Variants in ADAMTS7 observed in about 807,000 individuals in gnomAD.
ADAMTS7 encodes the protein ADAM metallopeptidase with thrombospondin type 1 motif 7, also known as A disintegrin and metalloproteinase with thrombospondin motifs 7.
A neutral mutation model predicts 172.6 loss-of-function variants in ADAMTS7; 89 were observed. The observed-to-expected ratio is 0.52, with a 90% CI of 0.43 to 0.61. ADAMTS7 has a LOEUF of 0.61. ADAMTS7 is among the 20% of genes least tolerant of loss of function. The pLI, the probability that ADAMTS7 is intolerant of heterozygous loss-of-function variation, is 0.00. For synonymous variants in ADAMTS7, 885 were observed against 978.4 expected, an observed-to-expected ratio of 0.90 and a Z score of 1.78; for missense variants, 1,973 against 2,355.6, an observed-to-expected ratio of 0.84 and a Z score of 3.36.
intron 1 of ADAMTS7, among the ~76,000 whole-genome samples, chr15:78,806,828 A>G (rs1488752041): frequency 1.3e-5 from 2 of 152,116 alleles, no homozygotes; most frequent in Non-Finnish European, 2.9e-5. Context: ...GTACAATTGC[A>G]TGATCTTGGC....
intron 1 of ADAMTS7, among the ~76,000 whole-genome samples, chr15:78,802,174 A>G (rs1250623138): frequency 6.6e-6 from 1 of 152,118 alleles, no homozygotes; most frequent in Non-Finnish European, 1.5e-5. Context: ...TGTTAGAGGA[A>G]GTGTCCAGAA....
At chr15:78,774,016 G>C (rs1319387839) in intron 13 of ADAMTS7, 151 bp downstream of exon 13, 15 of 1,245,784 alleles carry the variant, frequency 1.2e-5, no homozygotes, top group African/African-American at 1.5e-5. Context: ...TGGGGAGGGT[G>C]GCCCGAGGAG....
At chr15:78,784,063 G>A (rs1343555892) in intron 8 of ADAMTS7, among the ~76,000 whole-genome samples, 1 of 151,976 alleles carries the variant, frequency 6.6e-6, no homozygotes, top group African/African-American at 2.4e-5. Context: ...TAAATCAGAT[G>A]CCCCCTAGAA....
chr15:78,773,847 A>G (rs181072044), intron 13 of ADAMTS7, among the ~76,000 whole-genome samples: 5,506 of 152,292 alleles, frequency 0.036, 114 homozygotes, highest in Non-Finnish European at 0.043. Flanking sequence ...CCACTGCCTG[A>G]GCTCCGGTTT....
At chr15:78,798,581 C>A (rs2055677142) in intron 2 of ADAMTS7, among the ~76,000 whole-genome samples, 1 of 152,168 alleles carries the variant, frequency 6.6e-6, no homozygotes, top group African/African-American at 2.4e-5. Flanking sequence ...CTCCCTAAGG[C>A]AATGAATCAC....
chr15:78,763,011 G>A (rs560585369), intron 22 of ADAMTS7, among the ~76,000 whole-genome samples: 1 of 152,324 alleles, frequency 6.6e-6, no homozygotes, highest in Non-Finnish European at 1.5e-5. Context: ...GGCCCAGCCC[G>A]CCAGGCTTCG....
At chr15:78,760,005 G>A (rs191940676) in intron 23 of ADAMTS7, among the ~76,000 whole-genome samples, 15 of 151,948 alleles carry the variant, frequency 9.9e-5, no homozygotes, top group African/African-American at 3.4e-4. Context: ...TCCCGCCACC[G>A]CCCCCTGCCC....
At chr15:78,764,153 T>C in intron 20 of ADAMTS7, 54 bp from the exon 21 acceptor site, 1 of 1,458,858 alleles carries the variant, frequency 6.9e-7, no homozygotes, top group Non-Finnish European at 9.1e-7. Context: ...CCCACAGGCG[T>C]GACCCCGTGA....
At chr15:78,775,718 A>G (rs2055332866) in intron 11 of ADAMTS7, among the ~76,000 whole-genome samples, 1 of 152,188 alleles carries the variant, frequency 6.6e-6, no homozygotes, top group South Asian at 2.1e-4. Flanking sequence ...TGCCCACTAC[A>G]GATGAGCTGC....
chr15:78,794,776 G>A (rs1351349418), intron 4 of ADAMTS7, among the ~76,000 whole-genome samples: 2 of 152,156 alleles, frequency 1.3e-5, no homozygotes, highest in South Asian at 2.1e-4. Flanking sequence ...GGAGTGCAGT[G>A]GCACGATCTC....
intron 13 of ADAMTS7, 65 bp downstream of exon 13, chr15:78,774,102 C>T: frequency 6.4e-7 from 1 of 1,571,510 alleles, no homozygotes; most frequent in Non-Finnish European, 8.6e-7. Context: ...AGGAGAGAAC[C>T]TGGGGCCTGC....
In ADAMTS7 at chr15:78,781,617, TTGTC is replaced by T. The variant is rs537314827; in HGVS notation, c.1323-4033_1323-4030del. Among the ~76,000 whole-genome samples the T allele has an allele frequency of 5.3e-5, 8 of 152,252 alleles. No individual in the cohort carries two copies. In the East Asian group the frequency reaches 1.2e-3, roughly 22 times the overall value. On this transcript the variant is annotated intron_variant, in intron 8 of 23. Transcript: ENST00000388820. ...CCAGCAGCTGAATGAGGACAGAGAC[TTGTC>T]TGTCTGTCTGTCTGTCCTAGAACCA... is the stretch of plus-strand genomic sequence containing the variant.
intron 6 of ADAMTS7, among the ~76,000 whole-genome samples, chr15:78,790,330 G>A (rs1190258956): frequency 6.6e-6 from 1 of 152,160 alleles, no homozygotes; most frequent in Non-Finnish European, 1.5e-5. Context: ...GTGTGGAACT[G>A]ATGAGATCTG....
intron 23 of ADAMTS7, 22 bp from the exon 24 acceptor site, chr15:78,759,600 G>A (rs767333525): frequency 6.4e-7 from 1 of 1,561,704 alleles, no homozygotes; most frequent in East Asian, 2.3e-5. Flanking sequence ...GGGCAGAGAG[G>A]CATCAGAACC....
Position 78,777,584 on chromosome 15 carries a change from C to T in ADAMTS7, c.1327G>A (p.Gly443Arg). ...RQYITRFLDR[G>R]WGLCLDDPPA... ...GGGTCGTCCAGGCACAGGCCCCACC[C>T]ACGGCTAAAGATGGGACGGGAGGAT... The change falls in exon 9 of 24, where the codon GGG (glycine) becomes AGG (arginine). Residue 443 changes from glycine (G) to arginine (R), a missense_variant. By Grantham distance (125) the Gly-to-Arg change is moderately radical. Transcript: ENST00000388820. 1 of 1,604,406 alleles carries T rather than the reference C, an allele frequency of 6.2e-7. No individual in the cohort carries two copies. Among genetic ancestry groups the T allele is most frequent in the South Asian group, 1.1e-5 (1 of 89,248 alleles).
At chr15:78,797,881 T>C (rs2055666626) in intron 3 of ADAMTS7, 67 bp downstream of exon 3, 4 of 1,544,824 alleles carry the variant, frequency 2.6e-6, no homozygotes, top group South Asian at 2.4e-5. Flanking sequence ...AAGGGGGGCT[T>C]CTAGAAAGGC....
intron 23 of ADAMTS7, among the ~76,000 whole-genome samples, chr15:78,761,326 G>T (rs1273006913): frequency 6.6e-6 from 1 of 152,242 alleles, no homozygotes; most frequent in Non-Finnish European, 1.5e-5. Flanking sequence ...CCTGGCTGAG[G>T]ACTCTGTCCT....
At chr15:78,791,882 G>A (rs1412346252) in intron 4 of ADAMTS7, among the ~76,000 whole-genome samples, 8 of 152,174 alleles carry the variant, frequency 5.3e-5, no homozygotes, top group Middle Eastern at 3.2e-3. Context: ...CCCAGGAGAC[G>A]GGGCTATCCC....
chr15:78,759,404 T>A lies in ADAMTS7; in HGVS notation c.*17A>T, dbSNP rs1162325219. On this transcript the variant is annotated 3_prime_UTR_variant, in exon 24 of 24. Coordinates refer to ENST00000388820, the MANE Select transcript of ADAMTS7 (RefSeq NM_014272.5). Reference sequence around the variant, plus strand: ...GGGCACTGAGGTCTGTCGGTCGGTCTGTGCATCCTGGCGCAGTCAGCGGCG... The same window carrying A: ...GGGCACTGAGGTCTGTCGGTCGGTCAGTGCATCCTGGCGCAGTCAGCGGCG... 8 of 1,580,744 alleles carry A rather than the reference T, an allele frequency of 5.1e-6. No homozygotes were observed. Among genetic ancestry groups the A allele is most frequent in the Non-Finnish European group, 6.8e-6 (8 of 1,168,816 alleles).
Sources: gnomAD v4.1 joint callset for allele counts (sites outside exome capture counted in the v4.1 genomes callset) on GRCh38, gnomAD v4.1.1 for gene constraint, MANE v1.5 for transcripts, NCBI Gene and HGNC (gene_info 2026-07-23, HGNC 2026-07-21) for gene names.